HES3: variants seen among roughly 807,000 people sequenced by gnomAD.
The protein encoded by HES3 is transcription factor HES-3.
In HES3, 6 loss-of-function variants were observed where a neutral mutation model predicts 8.0. The ratio of observed to expected loss-of-function variants is 0.75; its 90% confidence interval spans 0.41 to 1.49. The LOEUF is 1.49. HES3 is among the 40% of genes most tolerant of loss of function. HES3 has a pLI of 0.01. For synonymous variants in HES3, 121 were observed against 119.4 expected (o/e 1.01, Z -0.09); for missense variants, 266 against 260.9 (o/e 1.02, Z -0.13).
chr1:6,245,348 G>A lies in HES3; in HGVS notation c.402G>A (p.Pro134=), dbSNP rs1456343483. ...CTCCTGCTCCGGCCGCCGGCGGCCC[G>A]CGGTCCCCACCACCCCTGCTCCTCC... The part of the protein sequence containing the change: ...VWAPAPAAGG[P]RSPPPLLLLP... Residue 134 remains proline (P), a synonymous_variant, in exon 4 of 4, where the codon CCG becomes CCA. Coordinates refer to ENST00000377898, the MANE Select transcript of HES3 (RefSeq NM_001024598.4). The A allele has an allele frequency of 4.3e-5, 65 of 1,500,218 alleles. No individual in the cohort carries two copies. Among genetic ancestry groups the A allele is most frequent in the Non-Finnish European group, 5.7e-5 (65 of 1,132,834 alleles). The allele number at this position is 1,500,218 out of a possible 1,614,324, so 92.9% of individuals were successfully genotyped here.
Position 6,245,572 on chromosome 1 carries a change from G to T in HES3, c.*65G>T, listed in dbSNP as rs1638288331. The T allele has an allele frequency of 1.4e-6, 2 of 1,402,558 alleles. No homozygotes were observed. Among genetic ancestry groups the T allele is most frequent in the Non-Finnish European group, 1.9e-6 (2 of 1,077,686 alleles). The allele number at this position is 1,402,558 out of a possible 1,614,324, so 86.9% of individuals were successfully genotyped here. On this transcript the variant is annotated 3_prime_UTR_variant, in exon 4 of 4. Transcript: ENST00000377898. ...TCAGCACGCCCACAGTGACTGCCAG[G>T]ACCCCCCAGTCGTCCGTTCTGGTCG...
rs1638266035 is a variant in HES3 at position 6,244,710 on chromosome 1, A to C, written c.163+81A>C. On this transcript the variant is annotated intron_variant, in intron 3 of 3. Transcript: ENST00000377898. The stretch of plus-strand genomic sequence containing the variant: ...TGCACAAGGCCAAATAAAGAGGGAT[A>C]CCTCAAGGACCGCTTGACCCCGGGC... The C allele has an allele frequency of 2.4e-5, 30 of 1,241,142 alleles. 1 individual carries two copies. The South Asian group carries it at 3.6e-4, about 15-fold the overall frequency. 76.9% of individuals were successfully genotyped at this position (1,241,142 alleles called of 1,614,324 possible).
chr1:6,244,206 G>T lies in HES3; in HGVS notation c.-51G>T. The T allele has an allele frequency of 1.5e-6, 1 of 655,068 alleles. No individual in the cohort carries two copies. Among genetic ancestry groups the T allele is most frequent in the African/African-American group, 1.8e-5 (1 of 55,238 alleles). 40.6% of individuals were successfully genotyped at this position (655,068 alleles called of 1,614,324 possible). A position where few individuals can be genotyped will look rare whatever the true frequency, so the allele number is the denominator to read the frequency against. ...GGACTGCAACATGGGCACGGAGCCT[G>T]CTGCCCGGGGCAGCCTCCCCGGCAA... is the stretch of plus-strand genomic sequence containing the variant. On this transcript the variant is annotated 5_prime_UTR_variant, in exon 1 of 4. Transcript: ENST00000377898.
At chr1:6,244,328 C>T (rs1338308559) in intron 1 of HES3, 23 bp from the exon 2 acceptor site, 1 of 1,603,770 alleles carries the variant, frequency 6.2e-7, no homozygotes, top group Non-Finnish European at 8.5e-7. Context: ...CAGTCCTGCA[C>T]TCTAAAGGCT....
In HES3 at chr1:6,244,385, C is replaced by T; in HGVS notation, c.20C>T (p.Ala7Val). The T allele has an allele frequency of 6.2e-7, 1 of 1,612,092 alleles. No homozygotes were observed. The highest frequency in any genetic ancestry group is 8.5e-7 in the Non-Finnish European group (1 of 1,179,736). MEKKRR[A>V]RINVSLEQLK... ...CCGCTGATGGAGAAAAAGCGCCGGG[C>T]ACGCATCAATGTGTCACTGGAGCAG... Residue 7 changes from alanine to valine, a missense_variant, in exon 2 of 4, where the codon GCA (alanine) becomes GTA (valine). Physicochemically the swap from Ala to Val is moderately conservative, Grantham distance 64. Coordinates refer to ENST00000377898, the MANE Select transcript of HES3 (RefSeq NM_001024598.4).
Position 6,245,352 on chromosome 1 carries a change from TC to T in HES3, c.410del (p.Pro137HisfsTer49). 2 of 1,500,100 alleles carry T rather than the reference TC, an allele frequency of 1.3e-6. No individual in the cohort carries two copies. Among genetic ancestry groups the T allele is most frequent in the South Asian group, 1.3e-5 (1 of 79,798 alleles). The allele number at this position is 1,500,100 out of a possible 1,614,324, so 92.9% of individuals were successfully genotyped here. Reference protein sequence around the residue: ...APAPAAGGPRSPPPLLLLPES... With the variant: ...APAPAAGGPRXPPPLLLLPES... ...TGCTCCGGCCGCCGGCGGCCCGCGG[TC>T]CCCACCACCCCTGCTCCTCCTCCCC... On this transcript the variant is annotated frameshift_variant, in exon 4 of 4. Transcript: ENST00000377898. LOFTEE classifies it low-confidence loss of function (END_TRUNC).
Position 6,245,538 on chromosome 1 carries a change from G to A in HES3, c.*31G>A. 6.9e-7 allele frequency: 1 copy of A among 1,456,844 alleles called. No homozygotes were observed. Among genetic ancestry groups the A allele is most frequent in the Non-Finnish European group, 9.0e-7 (1 of 1,116,246 alleles). 90.2% of individuals were successfully genotyped at this position (1,456,844 alleles called of 1,614,324 possible). Reference sequence around the variant, plus strand: ...CTCCCTATTTGGTCTCGCGACACAGGGACTATTTTCAGCACGCCCACAGTG... The same window carrying A: ...CTCCCTATTTGGTCTCGCGACACAGAGACTATTTTCAGCACGCCCACAGTG... On this transcript the variant is annotated 3_prime_UTR_variant, in exon 4 of 4. Transcript: ENST00000377898.
chr1:6,244,459 CGGGGTG>C lies in HES3; in HGVS notation c.81+22_81+27del. On this transcript the variant is annotated intron_variant, in intron 2 of 3. Coordinates refer to ENST00000377898, the MANE Select transcript of HES3 (RefSeq NM_001024598.4). The stretch of plus-strand genomic sequence containing the variant: ...CTACTCGCACCAGGTGAGACTCAGG[CGGGGTG>C]GGGGTGGGTGGGTGATACGATCCCA... The C allele has an allele frequency of 3.1e-5, 8 of 258,046 alleles. No individual in the cohort carries two copies. The highest frequency in any genetic ancestry group is 6.0e-5 in the Non-Finnish European group (8 of 132,812). The allele number at this position is 258,046 out of a possible 1,614,324, so 16.0% of individuals were successfully genotyped here.
At chr1:6,244,697 A>G in intron 3 of HES3, 68 bp downstream of exon 3, 1 of 1,393,402 alleles carries the variant, frequency 7.2e-7, no homozygotes, top group Non-Finnish European at 1.0e-6. Flanking sequence ...CACAAGGCCA[A>G]ATAAAGAGGG....
chr1:6,244,979 C>A, intron 3 of HES3, 131 bp from the exon 4 acceptor site: 1 of 629,040 alleles, frequency 1.6e-6, no homozygotes, highest in Non-Finnish European at 2.6e-6. Flanking sequence ...CCTTTCCCCT[C>A]CACCTCCACT....
Position 6,245,183 on chromosome 1 carries a change from C to A in HES3, c.237C>A (p.Leu79=). 1 of 1,528,184 alleles carries A rather than the reference C, an allele frequency of 6.5e-7. No homozygotes were observed. The highest frequency in any genetic ancestry group is 1.4e-5 in the African/African-American group (1 of 71,844). The allele number at this position is 1,528,184 out of a possible 1,614,324, so 94.7% of individuals were successfully genotyped here. A position where few individuals can be genotyped will look rare whatever the true frequency, so the allele number is the denominator to read the frequency against. Reference sequence around the variant, plus strand: ...GCTGCCTGCCCGGCGTGAGCCAGCTCCTTCGGCGCGGAGATGAGGTCGGCA... The same window carrying A: ...GCTGCCTGCCCGGCGTGAGCCAGCTACTTCGGCGCGGAGATGAGGTCGGCA... The part of the protein sequence containing the change: ...FRSCLPGVSQ[L]LRRGDEVGSG... The change falls in exon 4 of 4, where the codon CTC becomes CTA. Residue 79 remains leucine, a synonymous_variant. Coordinates refer to ENST00000377898, the MANE Select transcript of HES3 (RefSeq NM_001024598.4).
In HES3 at chr1:6,245,528, C is replaced by G; in HGVS notation, c.*21C>G. 6.8e-7 allele frequency: 1 copy of G among 1,465,182 alleles called. No individual in the cohort carries two copies. 90.8% of individuals were successfully genotyped at this position (1,465,182 alleles called of 1,614,324 possible). ...ACTGAAGGCGCTCCCTATTTGGTCTCGCGACACAGGGACTATTTTCAGCAC... is the reference window on the plus strand; with the variant it reads ...ACTGAAGGCGCTCCCTATTTGGTCTGGCGACACAGGGACTATTTTCAGCAC... On this transcript the variant is annotated 3_prime_UTR_variant, in exon 4 of 4. Transcript: ENST00000377898.
At chr1:6,244,521 CT>C (rs1557607341) in intron 2 of HES3, 26 bp from the exon 3 acceptor site, 1 of 1,613,604 alleles carries the variant, frequency 6.2e-7, no homozygotes, top group Non-Finnish European at 8.5e-7. Context: ...GGAGGCCGGT[CT>C]AATAGACCTT....
At chr1:6,244,509 C>T (rs369858871) in intron 2 of HES3, 39 bp from the exon 3 acceptor site, 77 of 1,612,978 alleles carry the variant, frequency 4.8e-5, no homozygotes, top group African/African-American at 6.7e-5. Flanking sequence ...CTCTCCACCT[C>T]GGGAGGCCGG....
In HES3 at chr1:6,245,316, G is replaced by A. The variant is rs1331245378; in HGVS notation, c.370G>A (p.Val124Ile). ...GCTGTTCCGCCCTTGCACCCCTGCC[G>A]TCTGGGCTCCTGCTCCGGCCGCCGG... ...PALFRPCTPA[V>I]WAPAPAAGGP... The change falls in exon 4 of 4, where the codon GTC becomes ATC. Residue 124 changes from valine (V) to isoleucine (I), a missense_variant. Val to Ile is a conservative substitution (Grantham distance 29, BLOSUM62 3). Coordinates refer to ENST00000377898, the MANE Select transcript of HES3 (RefSeq NM_001024598.4). The A allele has an allele frequency of 3.3e-6, 5 of 1,506,688 alleles. No individual in the cohort carries two copies. In the South Asian group the frequency reaches 5.0e-5, roughly 15 times the overall value. 93.3% of individuals were successfully genotyped at this position (1,506,688 alleles called of 1,614,324 possible).
chr1:6,245,008 T>TCCCCCCCCCCCCCCCCCCCCCC, intron 3 of HES3, 102 bp from the exon 4 acceptor site: 6 of 225,134 alleles, frequency 2.7e-5, no homozygotes, highest in South Asian at 1.2e-4. Context: ...CTCCCTCCCT[T>TCCCCCCCCCCCCCCCCCCCCCC]CCTCCCCTCC....
chr1:6,245,553 C>A lies in HES3; in HGVS notation c.*46C>A. The A allele has an allele frequency of 6.9e-7, 1 of 1,439,024 alleles. No homozygotes were observed. The highest frequency in any genetic ancestry group is 9.1e-7 in the Non-Finnish European group (1 of 1,104,398). 89.1% of individuals were successfully genotyped at this position (1,439,024 alleles called of 1,614,324 possible). Reference sequence around the variant, plus strand: ...CGCGACACAGGGACTATTTTCAGCACGCCCACAGTGACTGCCAGGACCCCC... The same window carrying A: ...CGCGACACAGGGACTATTTTCAGCAAGCCCACAGTGACTGCCAGGACCCCC... On this transcript the variant is annotated 3_prime_UTR_variant, in exon 4 of 4. Transcript: ENST00000377898.
rs547117336 is a variant in HES3, at chr1:6,244,601, C to T, written c.135C>T (p.Tyr45=). ...KADILELSVK[Y]MRSLQNSLQG... ...ACATCCTGGAGTTGAGCGTGAAGTA[C>T]ATGAGAAGCCTTCAGAACTCCTTGC... The change falls in exon 3 of 4, where the codon TAC becomes TAT. Residue 45 remains tyrosine (Y), a synonymous_variant. Transcript: ENST00000377898. 3.4e-5 allele frequency: 55 copies of T among 1,613,864 alleles called. No individual in the cohort carries two copies. Among genetic ancestry groups the T allele is most frequent in the Non-Finnish European group, 4.5e-5 (53 of 1,179,958 alleles).
rs758121294 is a variant in HES3, at chr1:6,244,582, T to C, written c.116T>C (p.Leu39Pro). 2.5e-6 allele frequency: 4 copies of C among 1,614,012 alleles called. 1 individual carries two copies. The highest frequency in any genetic ancestry group is 3.3e-4 in the Middle Eastern group (2 of 6,058). Residue 39 changes from leucine to proline, a missense_variant, in exon 3 of 4, where the codon CTG becomes CCG. By Grantham distance (98) the Leu-to-Pro change is moderately conservative. Coordinates refer to ENST00000377898, the MANE Select transcript of HES3 (RefSeq NM_001024598.4). ...RKRKLEKADI[L>P]ELSVKYMRSL... ...CGCAAATTGGAGAAGGCCGACATCC[T>C]GGAGTTGAGCGTGAAGTACATGAGA...
Sources: allele counts gnomAD v4.1 joint callset, GRCh38; gene constraint gnomAD v4.1.1; transcripts MANE v1.5; gene names NCBI Gene and HGNC (gene_info 2026-07-23, HGNC 2026-07-21).